POLR3A: variants seen among roughly 807,000 people sequenced by gnomAD.
The protein encoded by POLR3A is DNA-directed RNA polymerase III subunit RPC1.
A neutral mutation model predicts 152.8 loss-of-function variants in POLR3A; 112 were observed. The ratio of observed to expected loss-of-function variants is 0.73; its 90% CI spans 0.63 to 0.86. The LOEUF (loss-of-function observed/expected upper bound fraction) is 0.86. Ranked by LOEUF, POLR3A falls within the 40% of genes least tolerant of loss-of-function variation. POLR3A has a pLI of 0.00. For missense variants in POLR3A, 1,385 were observed against 1,743.1 expected, an observed-to-expected ratio of 0.79 and a Z score of 3.66; for synonymous variants, 615 against 652.1, an observed-to-expected ratio of 0.94 and a Z score of 0.87.
chr10:77,982,529 C>T, intron 27 of POLR3A, 124 bp downstream of exon 27: 2 of 978,618 alleles, frequency 2.0e-6, no homozygotes, highest in Non-Finnish European at 3.2e-6. Context: ...AGACTAACTC[C>T]TTGGGGATAA....
intron 10 of POLR3A, among the ~76,000 whole-genome samples, chr10:78,014,904 T>C (rs973975144): frequency 2.6e-5 from 4 of 152,170 alleles, no homozygotes; most frequent in Admixed American, 2.6e-4. Flanking sequence ...AGGTAATAAA[T>C]GTTAAAGGAA....
intron 19 of POLR3A, among the ~76,000 whole-genome samples, chr10:77,998,604 C>A (rs1426021475): frequency 6.6e-6 from 1 of 152,174 alleles, no homozygotes; most frequent in Non-Finnish European, 1.5e-5. Flanking sequence ...CAATGAGATA[C>A]CGTCTCACAC....
chr10:77,988,504 A>C (rs1847218544), intron 21 of POLR3A, among the ~76,000 whole-genome samples: 1 of 152,122 alleles, frequency 6.6e-6, no homozygotes, highest in South Asian at 2.1e-4. Flanking sequence ...GAAAAAAAAA[A>C]CAAAAAAACT....
chr10:78,017,629 C>T lies in POLR3A; in HGVS notation c.1377G>A (p.Val459=). 6.2e-7 allele frequency: 1 copy of T among 1,614,040 alleles called. No homozygotes were observed. The highest frequency in any genetic ancestry group is 8.5e-7 in the Non-Finnish European group (1 of 1,179,946). The change falls in exon 10 of 31, where the codon GTG becomes GTA. Residue 459 remains valine, a synonymous_variant. Coordinates refer to ENST00000372371, the MANE Select transcript of POLR3A (RefSeq NM_007055.4). ...IVERHLIDGD[V]VLFNRQPSLH... ...GCGAGGGCTGCCGATTGAACAGCAC[C>T]ACATCTCCATCGATGAGGTGTCTCT...
Position 78,022,355 on chromosome 10 carries a change from A to G in POLR3A, c.675T>C (p.Asn225=), listed in dbSNP as rs1847588385. 1.9e-6 allele frequency: 3 copies of G among 1,613,924 alleles called. No homozygotes were observed. Among genetic ancestry groups the G allele is most frequent in the Admixed American group, 1.7e-5 (1 of 59,996 alleles). Residue 225 remains asparagine (N), a synonymous_variant, in exon 6 of 31, where the codon AAT becomes AAC. Coordinates refer to ENST00000372371, the MANE Select transcript of POLR3A (RefSeq NM_007055.4). The part of the protein sequence containing the change: ...QENLNPLVVL[N]LFKRIPAEDV... ...CTTCAGCTGGGATTCGTTTAAATAA[A>G]TTCAGAACTACTAAGGGATTCAAGT...
chr10:78,022,812 A>G (rs150539147), intron 5 of POLR3A, among the ~76,000 whole-genome samples: 32 of 152,342 alleles, frequency 2.1e-4, no homozygotes, highest in South Asian at 6.2e-4. Context: ...TTGGGGGGAA[A>G]AAAAGATACT....
rs1460126429 is a variant in POLR3A, at chr10:77,977,352, C to T, written c.*126G>A. ...GCTGCTCCTGGGGATGCCAAGAGGG[C>T]TTCTCTGATTGCTGGCATAGGTGGG... On this transcript the variant is annotated 3_prime_UTR_variant, in exon 31 of 31. Coordinates refer to ENST00000372371, the MANE Select transcript of POLR3A (RefSeq NM_007055.4). 7.4e-6 allele frequency: 7 copies of T among 949,592 alleles called. No homozygotes were observed. In the East Asian group the frequency reaches 1.7e-4, roughly 23 times the overall value. 58.8% of individuals were successfully genotyped at this position (949,592 alleles called of 1,614,324 possible). A position where few individuals can be genotyped will look rare whatever the true frequency, so the allele number is the denominator to read the frequency against.
chr10:78,021,455 G>T (rs1177697727), intron 8 of POLR3A, 91 bp downstream of exon 8: 3 of 1,305,606 alleles, frequency 2.3e-6, no homozygotes, highest in African/African-American at 2.9e-5. Flanking sequence ...GGTTACTGGG[G>T]ACTTTCTACT....
At chr10:77,983,533 C>A (rs1250211521) in intron 26 of POLR3A, among the ~76,000 whole-genome samples, 3 of 152,204 alleles carry the variant, frequency 2.0e-5, no homozygotes, top group African/African-American at 7.2e-5. Flanking sequence ...CCCATCTAAA[C>A]ACATTTACTG....
Position 78,026,081 on chromosome 10 carries a change from G to T in POLR3A, c.180+13C>A. ...GCAAGACACAGTTACCAGGAGGGGTGAGGGGGCCTTACCATCCTATGGTCG... is the reference window on the plus strand; with the variant it reads ...GCAAGACACAGTTACCAGGAGGGGTTAGGGGGCCTTACCATCCTATGGTCG... On this transcript the variant is annotated intron_variant, in intron 2 of 30. Coordinates refer to ENST00000372371, the MANE Select transcript of POLR3A (RefSeq NM_007055.4). 6.2e-7 allele frequency: 1 copy of T among 1,613,910 alleles called. No individual in the cohort carries two copies. Among genetic ancestry groups the T allele is most frequent in the South Asian group, 1.1e-5 (1 of 91,078 alleles).
chr10:77,982,566 CTAAG>C, intron 27 of POLR3A, 83 bp downstream of exon 27: 1 of 1,217,848 alleles, frequency 8.2e-7, no homozygotes, highest in South Asian at 1.2e-5. Context: ...AGAAATCGGA[CTAAG>C]TGACAAAGCC....
chr10:78,013,262 G>A (rs1847484404), intron 11 of POLR3A: 1 of 286,408 alleles, frequency 3.5e-6, no homozygotes, highest in Non-Finnish European at 6.8e-6. Flanking sequence ...AGAATCTTCA[G>A]CTACTGGAAA....
intron 22 of POLR3A, 22 bp downstream of exon 22, chr10:77,986,051 A>C: frequency 6.3e-7 from 1 of 1,586,138 alleles, no homozygotes. Flanking sequence ...CGGGGTTCTA[A>C]CGCGTCTTGG....
In POLR3A at chr10:77,982,644, C is replaced by T; in HGVS notation, c.3594+9G>A. 3 of 1,612,338 alleles carry T rather than the reference C, an allele frequency of 1.9e-6. No individual in the cohort carries two copies. Among genetic ancestry groups the T allele is most frequent in the Admixed American group, 3.3e-5 (2 of 60,012 alleles). ...GCTGGGTCTCCATGAGAAGCGACTTCTGTTTCACCTTGGGGAGATCCTCTT... is the reference window on the plus strand; with the variant it reads ...GCTGGGTCTCCATGAGAAGCGACTTTTGTTTCACCTTGGGGAGATCCTCTT... On this transcript the variant is annotated intron_variant, in intron 27 of 30. Transcript: ENST00000372371.
intron 5 of POLR3A, 38 bp from the exon 6 acceptor site, chr10:78,022,422 G>A: frequency 2.5e-6 from 4 of 1,607,726 alleles, no homozygotes; most frequent in Middle Eastern, 1.6e-4. Context: ...GAGATACTAT[G>A]TTAGTTTTCC....
chr10:78,007,891 A>G (rs1212155914), intron 14 of POLR3A, 25 bp from the exon 15 acceptor site: 1 of 1,597,994 alleles, frequency 6.3e-7, no homozygotes, highest in Non-Finnish European at 8.6e-7. Context: ...ATATATTTAG[A>G]CAACAATTAT....
intron 28 of POLR3A, 124 bp from the exon 29 acceptor site, chr10:77,981,683 C>T: frequency 8.1e-7 from 1 of 1,238,942 alleles, no homozygotes; most frequent in Non-Finnish European, 1.2e-6. Context: ...AAATGGATTG[C>T]TGGGCAATTT....
At chr10:78,008,017 G>GGT in intron 14 of POLR3A, 151 bp from the exon 15 acceptor site, 2 of 495,912 alleles carry the variant, frequency 4.0e-6, no homozygotes, top group Non-Finnish European at 7.2e-6. Context: ...TTTGGGGGGA[G>GGT]GGAGGGGGGG....
chr10:78,021,879 T>A lies in POLR3A; in HGVS notation c.1029A>T (p.Gln343His), dbSNP rs774558569. ...APKKWTRGFV[Q>H]RLKGKQGRFR... ...ACCTACCCTGTTTTCCCTTCAGGCG[T>A]TGGACGAAGCCTCTGGTCCACTTCT... is the stretch of plus-strand genomic sequence containing the variant. Residue 343 changes from glutamine to histidine, a missense_variant, in exon 7 of 31, where the codon CAA becomes CAT. Transcript: ENST00000372371. The A allele has an allele frequency of 1.2e-6, 2 of 1,613,910 alleles. No homozygotes were observed. The highest frequency in any genetic ancestry group is 1.7e-5 in the Admixed American group (1 of 59,994).
Sources: gnomAD v4.1 joint callset for allele counts (sites outside exome capture counted in the v4.1 genomes callset) on GRCh38, gnomAD v4.1.1 for gene constraint, MANE v1.5 for transcripts, NCBI Gene and HGNC (gene_info 2026-07-23, HGNC 2026-07-21) for gene names.